The following INTS1 variants were observed in gnomAD, a reference collection of about 807,000 sequenced individuals.
INTS1 encodes the protein integrator complex subunit 1.
Under a neutral mutation model 241.6 loss-of-function variants are expected in INTS1, and 137 were observed. The ratio of observed to expected loss-of-function variants is 0.57; its 90% CI spans 0.49 to 0.65. The LOEUF is 0.65. Among genes scored for constraint, INTS1 ranks in the 30% least tolerant of loss-of-function variants. The pLI is 0.00. For synonymous variants in INTS1, 1,692 were observed against 1,337.8 expected, an observed-to-expected ratio of 1.26 and a Z score of -5.78; for missense variants, 3,073 against 3,032.2, an observed-to-expected ratio of 1.01 and a Z score of -0.32.
At chr7:1,495,591 ATGGGCCATGAG>A (rs1782809508) in intron 12 of INTS1, 38 bp from the exon 13 acceptor site, 1 of 1,589,570 alleles carries the variant, frequency 6.3e-7, no homozygotes, top group African/African-American at 1.3e-5. Context: ...CATCCGAGCC[ATGGGCCATGAG>A]GGGCTAAGGC....
At chr7:1,483,106 C>T (rs975745783) in intron 26 of INTS1, 22 of 224,276 alleles carry the variant, frequency 9.8e-5, no homozygotes, top group African/African-American at 3.4e-4. Flanking sequence ...TTCCCAAGGG[C>T]GACGCCTGTG....
chr7:1,492,769 T>C (rs534918232), intron 16 of INTS1, among the ~76,000 whole-genome samples: 29 of 152,052 alleles, frequency 1.9e-4, no homozygotes, highest in African/African-American at 6.3e-4. Flanking sequence ...AGGCCCGTAG[T>C]GGCCTCACTG....
At chr7:1,474,570 C>T (rs1187743792) in intron 40 of INTS1, 135 bp downstream of exon 40, 15 of 1,304,530 alleles carry the variant, frequency 1.1e-5, no homozygotes, top group Admixed American at 1.0e-4. Flanking sequence ...TGACTTCCCC[C>T]GGTCAAGCTC....
intron 16 of INTS1, among the ~76,000 whole-genome samples, chr7:1,491,936 C>T (rs562406152): frequency 5.3e-5 from 8 of 152,126 alleles, no homozygotes; most frequent in African/African-American, 9.7e-5. Flanking sequence ...CCGAAACAAA[C>T]GTGAGATACC....
intron 3 of INTS1, among the ~76,000 whole-genome samples, chr7:1,500,726 C>T (rs1350281973): frequency 1.3e-5 from 2 of 152,134 alleles, no homozygotes; most frequent in Admixed American, 1.3e-4. Context: ...CACTGTGGAC[C>T]GCAGCACAGT....
chr7:1,472,306 T>C lies in INTS1; in HGVS notation c.6151A>G (p.Met2051Val), dbSNP rs373380785. Residue 2051 changes from methionine (M) to valine (V), a missense_variant, in exon 44 of 48, where the codon ATG (methionine) becomes GTG (valine). Coordinates refer to ENST00000404767, the MANE Select transcript of INTS1 (RefSeq NM_001080453.3). ...PLTAAEMAPY[M>V]KRLSRGQTVE... ...GTTTGGCCCCGGGAAAGCCGTTTCATGTAGGGGGCCATCTCGGCCGCGGTC... is the reference window on the plus strand; with the variant it reads ...GTTTGGCCCCGGGAAAGCCGTTTCACGTAGGGGGCCATCTCGGCCGCGGTC... The C allele has an allele frequency of 2.7e-5, 42 of 1,565,852 alleles. No individual in the cohort carries two copies. Among genetic ancestry groups the C allele is most frequent in the African/African-American group, 4.1e-5 (3 of 73,858 alleles).
intron 31 of INTS1, among the ~76,000 whole-genome samples, 183 bp downstream of exon 31, chr7:1,479,247 G>A (rs146622341): frequency 3.3e-5 from 5 of 152,236 alleles, no homozygotes; most frequent in African/African-American, 4.8e-5. Context: ...CCCACCTCCC[G>A]TCCCGGGGGA....
intron 3 of INTS1, among the ~76,000 whole-genome samples, chr7:1,502,557 C>T (rs1445039386): frequency 6.6e-6 from 1 of 152,142 alleles, no homozygotes; most frequent in Non-Finnish European, 1.5e-5. Context: ...GGATGGGCAA[C>T]CTTGAGAACA....
At position 1,483,856 on chromosome 7, in the gene INTS1, G is replaced by A. The variant is rs1023273137; in HGVS notation, c.3430-3C>T. 1.2e-6 allele frequency: 2 copies of A among 1,606,212 alleles called. No individual in the cohort carries two copies. Among genetic ancestry groups the A allele is most frequent in the Non-Finnish European group, 1.7e-6 (2 of 1,174,134 alleles). Reference sequence around the variant, plus strand: ...AAGACCTGGTCCTGAGACTCCGACTGTGGGAAAAGAGGTGGAGTCAGGCCG... The same window carrying A: ...AAGACCTGGTCCTGAGACTCCGACTATGGGAAAAGAGGTGGAGTCAGGCCG... On this transcript the variant is annotated splice_polypyrimidine_tract_variant and splice_region_variant and intron_variant, in intron 25 of 47. Transcript: ENST00000404767.
intron 46 of INTS1, 44 bp from the exon 47 acceptor site, chr7:1,470,999 C>A: frequency 6.6e-7 from 1 of 1,525,424 alleles, no homozygotes; most frequent in Non-Finnish European, 8.9e-7. Context: ...ACCCTGTGCC[C>A]ACGCCAGACC....
chr7:1,494,927 G>A (rs760604586), intron 13 of INTS1, 34 bp from the exon 14 acceptor site: 2 of 1,548,938 alleles, frequency 1.3e-6, no homozygotes, highest in African/African-American at 1.4e-5. Flanking sequence ...CAGTCATGAT[G>A]TGGGTGCTCA....
At position 1,497,231 on chromosome 7, in the gene INTS1, G is replaced by C. The variant is rs746079759; in HGVS notation, c.1509C>G (p.Ile503Met). Residue 503 changes from isoleucine (I) to methionine (M), a missense_variant, in exon 11 of 48, where the codon ATC (isoleucine) becomes ATG (methionine). Ile to Met is a conservative substitution (Grantham distance 10). Transcript: ENST00000404767. The surrounding 1 kb of genome is among the most constrained non-coding windows in gnomAD (Gnocchi z 5.3). The stretch of plus-strand genomic sequence containing the variant: ...AGTTGATCTCGTGCTTGGTCTGCTT[G>C]ATGATCTCCCGCAGCAGGGCCCGCG... The part of the protein sequence containing the change: ...RASRALLREI[I>M]KQTKHEINFQ... 77 of 1,613,216 alleles carry C rather than the reference G, an allele frequency of 4.8e-5. No homozygotes were observed. The highest frequency in any genetic ancestry group is 5.6e-5 in the Non-Finnish European group (66 of 1,179,790).
chr7:1,470,552 T>G lies in INTS1; in HGVS notation c.*25A>C. The G allele has an allele frequency of 6.7e-7, 1 of 1,501,736 alleles. No homozygotes were observed. The highest frequency in any genetic ancestry group is 9.0e-7 in the Non-Finnish European group (1 of 1,111,210). 93.0% of individuals were successfully genotyped at this position (1,501,736 alleles called of 1,614,324 possible). A position where few individuals can be genotyped will look rare whatever the true frequency, so the allele number is the denominator to read the frequency against. On this transcript the variant is annotated 3_prime_UTR_variant, in exon 48 of 48. Coordinates refer to ENST00000404767, the MANE Select transcript of INTS1 (RefSeq NM_001080453.3). ...CCCGGGGACGGGACGGGCCGGGGCT[T>G]GGAGGGGGGTCGGCTGCCACAGGCT...
At chr7:1,478,194 T>C (rs1781819326) in intron 33 of INTS1, among the ~76,000 whole-genome samples, 172 bp downstream of exon 33, 1 of 151,826 alleles carries the variant, frequency 6.6e-6, no homozygotes, top group African/African-American at 2.4e-5. Context: ...AAGCTCCAAC[T>C]CATTCTCAAG....
chr7:1,471,183 G>A lies in INTS1; in HGVS notation c.6297C>T (p.Cys2099=). Residue 2099 remains cysteine (C), a synonymous_variant, in exon 46 of 48, where the codon TGC becomes TGT. Transcript: ENST00000404767. The part of the protein sequence containing the change: ...QRLMSSAEEC[C]RNLAFSLALR... ...GGGCCAGGCTGAAGGCGAGGTTGCG[G>A]CAACACTCCTCGGCCGAGCTCATCA... is the stretch of plus-strand genomic sequence containing the variant. The A allele has an allele frequency of 1.3e-6, 2 of 1,584,606 alleles. No individual in the cohort carries two copies. Among genetic ancestry groups the A allele is most frequent in the South Asian group, 2.3e-5 (2 of 86,508 alleles).
At chr7:1,496,924 CT>C (rs1447913873) in intron 11 of INTS1, among the ~76,000 whole-genome samples, 1 of 152,176 alleles carries the variant, frequency 6.6e-6, no homozygotes. Flanking sequence ...GCCAGTTCCC[CT>C]GTGCTTGGTC....
intron 6 of INTS1, 34 bp from the exon 7 acceptor site, chr7:1,499,394 T>TACCC: frequency 7.1e-7 from 1 of 1,400,258 alleles, no homozygotes; most frequent in Non-Finnish European, 9.7e-7. Context: ...ATGCAGCGCC[T>TACCC]CCCACCCGCC....
intron 30 of INTS1, 82 bp from the exon 31 acceptor site, chr7:1,479,766 G>T: frequency 7.3e-7 from 1 of 1,374,894 alleles, no homozygotes; most frequent in Non-Finnish European, 9.5e-7. Context: ...GCCCGGTGCA[G>T]CTCCGTGCCA....
rs776193013 is a variant in INTS1, at chr7:1,485,411, G to A, written c.3035C>T (p.Pro1012Leu). Reference sequence around the variant, plus strand: ...TGTGTCCCCCACATCCTCCTCCATGGGGGGCTCCTTCTCCTCCCCGTCCCG... The same window carrying A: ...TGTGTCCCCCACATCCTCCTCCATGAGGGGCTCCTTCTCCTCCCCGTCCCG... Reference protein sequence around the residue: ...SLRDGEEKEPPMEEDVGDTDV... With the variant: ...SLRDGEEKEPLMEEDVGDTDV... Residue 1012 changes from proline (P) to leucine (L), a missense_variant, in exon 23 of 48, where the codon CCC (proline) becomes CTC (leucine). Physicochemically the swap from Pro to Leu is moderately conservative, Grantham distance 98. Coordinates refer to ENST00000404767, the MANE Select transcript of INTS1 (RefSeq NM_001080453.3). 1.2e-5 allele frequency: 19 copies of A among 1,612,686 alleles called. No individual in the cohort carries two copies. The highest frequency in any genetic ancestry group is 1.4e-5 in the Non-Finnish European group (17 of 1,179,822).
Sources: allele counts gnomAD v4.1 joint callset (sites outside exome capture counted in the v4.1 genomes callset), GRCh38; gene constraint gnomAD v4.1.1; non-coding constraint Gnocchi (gnomAD v3.1); transcripts MANE v1.5; gene names NCBI Gene and HGNC (gene_info 2026-07-23, HGNC 2026-07-21).